LDLRAD3: variants seen among roughly 807,000 people sequenced by gnomAD.
The protein encoded by LDLRAD3 is low-density lipoprotein receptor class A domain-containing protein 3.
A neutral mutation model predicts 29.4 loss-of-function variants in LDLRAD3; 20 were observed. The ratio of observed to expected loss-of-function variants is 0.68; its 90% CI spans 0.48 to 0.99. The LOEUF is 0.99. Among genes scored for constraint, LDLRAD3 ranks in the 50% least tolerant of loss-of-function variants. The pLI, the probability that LDLRAD3 is intolerant of heterozygous loss-of-function variation, is 0.00. For synonymous variants in LDLRAD3, 157 were observed against 192.7 expected, an observed-to-expected ratio of 0.81 and a Z score of 1.53; for missense variants, 420 against 454.3, an observed-to-expected ratio of 0.92 and a Z score of 0.69.
intron 4 of LDLRAD3, among the ~76,000 whole-genome samples, chr11:36,128,154 ATTAAAC>A (rs67399014): frequency 0.12 from 13,737 of 113,894 alleles, 2,308 homozygotes; most frequent in Non-Finnish European, 0.18. Flanking sequence ...CATGTAGGCA[ATTAAAC>A]TTAGAATGGG....
chr11:36,185,776 C>A (rs942353707), intron 4 of LDLRAD3, among the ~76,000 whole-genome samples: 5 of 152,212 alleles, frequency 3.3e-5, no homozygotes, highest in African/African-American at 1.2e-4. Flanking sequence ...CTGGTGAAGT[C>A]TGATTTATCA....
chr11:35,982,375 TC>T (rs1358645006), intron 1 of LDLRAD3, among the ~76,000 whole-genome samples: 2,336 of 152,264 alleles, frequency 0.015, 62 homozygotes, highest in African/African-American at 0.053. Context: ...TGTACAAATA[TC>T]CCCTCTTTAT....
At chr11:36,078,520 C>A (rs1853055256) in intron 2 of LDLRAD3, among the ~76,000 whole-genome samples, 1 of 152,246 alleles carries the variant, frequency 6.6e-6, no homozygotes, top group Admixed American at 6.5e-5. Flanking sequence ...CTCAACTTTG[C>A]TCCATGATCT....
chr11:35,954,738 A>G (rs1851180631), intron 1 of LDLRAD3, among the ~76,000 whole-genome samples: 2 of 152,222 alleles, frequency 1.3e-5, no homozygotes, highest in Admixed American at 6.5e-5. Context: ...GCTTAAAAAG[A>G]CAAAGAAAAA....
intron 4 of LDLRAD3, among the ~76,000 whole-genome samples, chr11:36,147,497 C>G (rs1224723086): frequency 2.0e-5 from 3 of 152,148 alleles, no homozygotes; most frequent in Admixed American, 6.5e-5. Context: ...TCTAAAGTTC[C>G]TTAACTCAAT....
intron 2 of LDLRAD3, among the ~76,000 whole-genome samples, chr11:36,045,403 G>A (rs1465993070): frequency 1.3e-5 from 2 of 152,208 alleles, no homozygotes; most frequent in Non-Finnish European, 2.9e-5. Context: ...TAGAACAACA[G>A]ATATTTATTC....
intron 1 of LDLRAD3, among the ~76,000 whole-genome samples, chr11:35,981,890 G>T (rs1306220918): frequency 6.6e-6 from 1 of 152,170 alleles, no homozygotes; most frequent in African/African-American, 2.4e-5. Flanking sequence ...TCTGCTTTTG[G>T]TTCTTCCACT....
intron 2 of LDLRAD3, among the ~76,000 whole-genome samples, chr11:36,047,753 C>T (rs1193361520): frequency 6.6e-6 from 1 of 152,154 alleles, no homozygotes; most frequent in Non-Finnish European, 1.5e-5. Flanking sequence ...GGTACTTGGC[C>T]TCAGTTTCCT....
At chr11:36,045,720 G>GT (rs1245066861) in intron 2 of LDLRAD3, among the ~76,000 whole-genome samples, 1 of 132,826 alleles carries the variant, frequency 7.5e-6, no homozygotes, top group Non-Finnish European at 1.7e-5. Context: ...GAGATCTGAT[G>GT]GGTTTTTTTT....
intron 3 of LDLRAD3, among the ~76,000 whole-genome samples, chr11:36,087,331 G>A (rs1342256509): frequency 1.3e-5 from 2 of 152,094 alleles, no homozygotes; most frequent in African/African-American, 4.8e-5. Flanking sequence ...TTGTAAGAAT[G>A]ATATTGTGTC....
chr11:36,226,901 G>T (rs1490630046), intron 4 of LDLRAD3, among the ~76,000 whole-genome samples, 184 bp from the exon 5 acceptor site: 1 of 152,190 alleles, frequency 6.6e-6, no homozygotes, highest in African/African-American at 2.4e-5. Context: ...CCTTTGGGTG[G>T]ATGTACCACG....
At chr11:36,196,887 A>G (rs1855041325) in intron 4 of LDLRAD3, 1 of 152,150 alleles carries the variant, frequency 6.6e-6, no homozygotes, top group Non-Finnish European at 1.5e-5. Context: ...GTAGCTCCCT[A>G]TCCATTCTCT....
chr11:36,217,864 C>A (rs990224054), intron 4 of LDLRAD3, among the ~76,000 whole-genome samples: 1 of 152,202 alleles, frequency 6.6e-6, no homozygotes, highest in Non-Finnish European at 1.5e-5. Flanking sequence ...GTGTCATCTC[C>A]TTCTCTGTCT....
chr11:36,204,534 C>T (rs962839408), intron 4 of LDLRAD3, among the ~76,000 whole-genome samples: 1 of 147,188 alleles, frequency 6.8e-6, no homozygotes, highest in African/African-American at 2.5e-5. Context: ...TTGCTCTTGT[C>T]ATCCAGGTTG....
chr11:35,979,973 T>A (rs896041536), intron 1 of LDLRAD3, among the ~76,000 whole-genome samples: 3 of 152,244 alleles, frequency 2.0e-5, no homozygotes, highest in African/African-American at 7.2e-5. Context: ...GCTAGAAATA[T>A]CTAAACCGGC....
At chr11:36,209,934 G>A (rs1409523045) in intron 4 of LDLRAD3, among the ~76,000 whole-genome samples, 1 of 152,220 alleles carries the variant, frequency 6.6e-6, no homozygotes, top group Non-Finnish European at 1.5e-5. Context: ...AAATAAATGG[G>A]TGCCAAGGGT....
chr11:35,971,688 C>T (rs1386179520), intron 1 of LDLRAD3, among the ~76,000 whole-genome samples: 1 of 152,114 alleles, frequency 6.6e-6, no homozygotes, highest in Non-Finnish European at 1.5e-5. Flanking sequence ...TGATGGCAGT[C>T]CCAGGGTACG....
At chr11:36,075,759 A>C (rs940579680) in intron 2 of LDLRAD3, among the ~76,000 whole-genome samples, 6 of 152,158 alleles carry the variant, frequency 3.9e-5, no homozygotes, top group Admixed American at 2.6e-4. Context: ...CTTATTCAAC[A>C]ATTTTTGGTA....
At chr11:36,032,856 C>T (rs12272412) in intron 1 of LDLRAD3, among the ~76,000 whole-genome samples, 6,853 of 151,828 alleles carry the variant, frequency 0.045, 204 homozygotes, top group South Asian at 0.12. Flanking sequence ...ATTTAACCTG[C>T]CTTTGCCTTA....
Sources: gnomAD v4.1 joint callset for allele counts (sites outside exome capture counted in the v4.1 genomes callset) on GRCh38, gnomAD v4.1.1 for gene constraint, MANE v1.5 for transcripts, NCBI Gene and HGNC (gene_info 2026-07-23, HGNC 2026-07-21) for gene names.